Variants in HGF observed in about 807,000 individuals in gnomAD.
HGF encodes hepatocyte growth factor.
Under a neutral mutation model 111.6 loss-of-function variants are expected in HGF, and 39 were observed. The observed-to-expected ratio is 0.35, with a 90% CI of 0.27 to 0.46. The LOEUF (loss-of-function observed/expected upper bound fraction) is 0.46, where lower values mean the gene tolerates loss of function less well. Ranked by LOEUF, HGF falls within the 20% of genes least tolerant of loss-of-function variation. HGF has a pLI of 1.00. For synonymous variants in HGF, 285 were observed against 294.8 expected, an observed-to-expected ratio of 0.97 and a Z score of 0.34; for missense variants, 735 against 910.5, an observed-to-expected ratio of 0.81 and a Z score of 2.48.
intron 1 of HGF, among the ~76,000 whole-genome samples, chr7:81,766,734 C>T (rs2116269422): frequency 6.6e-6 from 1 of 152,298 alleles, no homozygotes; most frequent in East Asian, 1.9e-4. Context: ...CTAGAAGCCT[C>T]ATCCTGGCCT....
chr7:81,728,827 A>AT (rs1790087037), intron 8 of HGF, among the ~76,000 whole-genome samples: 1 of 152,222 alleles, frequency 6.6e-6, no homozygotes, highest in African/African-American at 2.4e-5. Flanking sequence ...AAGCCAATAT[A>AT]TGTTATTTAT....
At position 81,757,105 on chromosome 7, in the gene HGF, A is replaced by T. The variant is rs1449755993; in HGVS notation, c.482+84T>A. ...GTTGGCTAAGTTATTTTAGGATTGT[A>T]GAATTATTCTGAAGGACTAATATGA... On this transcript the variant is annotated intron_variant, in intron 4 of 17. Coordinates refer to ENST00000222390, the MANE Select transcript of HGF (RefSeq NM_000601.6). 1.4e-5 allele frequency: 11 copies of T among 786,942 alleles called. No individual in the cohort carries two copies. In the East Asian group the frequency reaches 2.7e-4, roughly 19 times the overall value. The allele number at this position is 786,942 out of a possible 1,614,324, so 48.7% of individuals were successfully genotyped here.
chr7:81,756,048 G>T lies in HGF; in HGVS notation c.482+1141C>A. 7.1e-6 allele frequency: 5 copies of T among 701,740 alleles called. No individual in the cohort carries two copies. The South Asian group carries it at 7.4e-5, about 10-fold the overall frequency. The allele number at this position is 701,740 out of a possible 1,614,324, so 43.5% of individuals were successfully genotyped here. A position where few individuals can be genotyped will look rare whatever the true frequency, so the allele number is the denominator to read the frequency against. ...TAGAATAAAAAGTGGATTCAACAAG[G>T]CAGTCATCACCACCACTGCAAAAAC... On this transcript the variant is annotated intron_variant, in intron 4 of 17. Coordinates refer to ENST00000222390, the MANE Select transcript of HGF (RefSeq NM_000601.6).
At chr7:81,741,136 G>T (rs141695501) in intron 7 of HGF, among the ~76,000 whole-genome samples, 1 of 151,972 alleles carries the variant, frequency 6.6e-6, no homozygotes, top group African/African-American at 2.4e-5. Flanking sequence ...TAGAAGTATC[G>T]TCTCTTTATA....
intron 11 of HGF, among the ~76,000 whole-genome samples, chr7:81,713,563 C>T (rs1026307832): frequency 3.3e-5 from 5 of 151,606 alleles, no homozygotes; most frequent in African/African-American, 9.7e-5. Context: ...TTTGTAGACA[C>T]TATACATTTT....
At chr7:81,734,602 C>T (rs1196271838) in intron 7 of HGF, among the ~76,000 whole-genome samples, 1 of 151,978 alleles carries the variant, frequency 6.6e-6, no homozygotes, top group Non-Finnish European at 1.5e-5. Context: ...TGCCTCCCAA[C>T]AGAGACCAAG....
intron 11 of HGF, among the ~76,000 whole-genome samples, chr7:81,716,261 G>A (rs899891234): frequency 2.6e-5 from 4 of 152,098 alleles, no homozygotes; most frequent in African/African-American, 9.7e-5. Context: ...GCACAGAACA[G>A]CATCTACCCC....
intron 1 of HGF, among the ~76,000 whole-genome samples, chr7:81,766,376 C>T (rs1311968278): frequency 6.6e-6 from 1 of 152,092 alleles, no homozygotes; most frequent in African/African-American, 2.4e-5. Context: ...GATGAAAGTA[C>T]ACAAATAATT....
At chr7:81,725,617 A>G (rs1024249790) in intron 9 of HGF, among the ~76,000 whole-genome samples, 52 of 152,172 alleles carry the variant, frequency 3.4e-4, no homozygotes, top group African/African-American at 1.2e-3. Flanking sequence ...TATCAGTTGA[A>G]TATTAGCTCC....
chr7:81,767,081 T>C (rs1277938190), intron 1 of HGF, among the ~76,000 whole-genome samples: 2 of 152,174 alleles, frequency 1.3e-5, no homozygotes, highest in Non-Finnish European at 2.9e-5. Context: ...TGTGCTAAGA[T>C]ACTGACTATT....
At chr7:81,722,521 A>G (rs1274644733) in intron 9 of HGF, among the ~76,000 whole-genome samples, 2 of 151,982 alleles carry the variant, frequency 1.3e-5, no homozygotes, top group East Asian at 3.9e-4. Flanking sequence ...TTCTTCAAAA[A>G]ATATAAGTTG....
At chr7:81,705,363 C>CTGGTA (rs1178167521) in intron 17 of HGF, 27 bp downstream of exon 17, 2 of 1,604,828 alleles carry the variant, frequency 1.2e-6, no homozygotes, top group Non-Finnish European at 1.7e-6. Context: ...GAATCACATA[C>CTGGTA]TCCTTATTAA....
Position 81,758,774 on chromosome 7 carries a change from T to C in HGF, c.285A>G (p.Gln95=), listed in dbSNP as rs778319588. The stretch of plus-strand genomic sequence containing the variant: ...TGCTATTGAAGGGGAACCAGAGGCA[T>C]TGTTTTCTTGCTTTATCAAAAACAA... ...KAFVFDKARK[Q]CLWFPFNSMS... Residue 95 remains glutamine, a synonymous_variant, in exon 3 of 18, where the codon CAA becomes CAG. Transcript: ENST00000222390. 34 of 1,612,958 alleles carry C rather than the reference T, an allele frequency of 2.1e-5. No homozygotes were observed. The highest frequency in any genetic ancestry group is 2.9e-5 in the Non-Finnish European group (34 of 1,179,354).
intron 10 of HGF, among the ~76,000 whole-genome samples, chr7:81,719,741 A>G (rs535132489): frequency 3.9e-5 from 6 of 152,326 alleles, no homozygotes; most frequent in Non-Finnish European, 5.9e-5. Context: ...GCATTATTTT[A>G]GAACTATCCT....
At chr7:81,750,601 G>A (rs1788451004) in intron 5 of HGF, among the ~76,000 whole-genome samples, 1 of 152,122 alleles carries the variant, frequency 6.6e-6, no homozygotes, top group African/African-American at 2.4e-5. Flanking sequence ...CCAGTCCTAT[G>A]TTAAGTAAGT....
At chr7:81,731,785 T>C (rs771526901) in intron 7 of HGF, among the ~76,000 whole-genome samples, 1 of 152,206 alleles carries the variant, frequency 6.6e-6, no homozygotes, top group Non-Finnish European at 1.5e-5. Flanking sequence ...GTTATAAAAC[T>C]GATGGGAAAG....
At chr7:81,714,243 C>T (rs1047235729) in intron 11 of HGF, among the ~76,000 whole-genome samples, 1 of 151,928 alleles carries the variant, frequency 6.6e-6, no homozygotes. Context: ...TGTCTCCCTT[C>T]TATACTATGA....
intron 7 of HGF, 21 bp downstream of exon 7, chr7:81,743,332 A>G (rs908370622): frequency 7.3e-7 from 1 of 1,368,598 alleles, no homozygotes; most frequent in Middle Eastern, 1.8e-4. Flanking sequence ...AAAGGAAGCA[A>G]TAAATTTGAC....
At chr7:81,705,576 A>C in intron 16 of HGF, 41 bp from the exon 17 acceptor site, 1 of 1,606,564 alleles carries the variant, frequency 6.2e-7, no homozygotes, top group Non-Finnish European at 8.5e-7. Flanking sequence ...TGAGAAAAGT[A>C]AGAAACAAAG....
Sources: allele counts gnomAD v4.1 joint callset (sites outside exome capture counted in the v4.1 genomes callset), GRCh38; gene constraint gnomAD v4.1.1; transcripts MANE v1.5; gene names NCBI Gene and HGNC (gene_info 2026-07-23, HGNC 2026-07-21).